Variants in TMEM132D observed in about 807,000 individuals in gnomAD.
TMEM132D encodes mature OL transmembrane protein.
A neutral mutation model predicts 62.3 loss-of-function variants in TMEM132D; 21 were observed. That is an observed-to-expected ratio of 0.34 (90% confidence interval 0.24 to 0.49). TMEM132D has a LOEUF of 0.49. Among genes scored for constraint, TMEM132D ranks in the 20% least tolerant of loss-of-function variants. The pLI is 0.99. For synonymous variants in TMEM132D, 621 were observed against 575.6 expected (o/e 1.08, Z -1.13); for missense variants, 1,346 against 1,402.8 (o/e 0.96, Z 0.65).
intron 1 of TMEM132D, among the ~76,000 whole-genome samples, chr12:129,886,619 G>A (rs1202307545): frequency 6.6e-6 from 1 of 152,058 alleles, no homozygotes; most frequent in Admixed American, 6.6e-5. Flanking sequence ...AAATAACTTG[G>A]TATTGCCATG....
intron 4 of TMEM132D, among the ~76,000 whole-genome samples, chr12:129,241,696 T>C (rs1241523256): frequency 2.0e-5 from 3 of 152,306 alleles, no homozygotes; most frequent in East Asian, 1.9e-4. Context: ...ATAGATAAAA[T>C]TTTATATTTA....
intron 5 of TMEM132D, among the ~76,000 whole-genome samples, chr12:129,130,972 G>A (rs903314104): frequency 3.3e-5 from 5 of 152,182 alleles, no homozygotes; most frequent in East Asian, 1.9e-4. Flanking sequence ...TGATTCAACC[G>A]GGCAGTGGTG....
chr12:129,821,931 G>T (rs1872550431), intron 1 of TMEM132D, among the ~76,000 whole-genome samples: 1 of 152,166 alleles, frequency 6.6e-6, no homozygotes, highest in African/African-American at 2.4e-5. Flanking sequence ...GGTTTCCTTT[G>T]TTGAAGAAAT....
intron 5 of TMEM132D, among the ~76,000 whole-genome samples, chr12:129,138,311 C>T (rs1447611134): frequency 6.6e-6 from 1 of 152,186 alleles, no homozygotes; most frequent in Non-Finnish European, 1.5e-5. Flanking sequence ...GAAGACCTAA[C>T]ACAATGTATG....
At chr12:129,121,711 G>A (rs1241328819) in intron 5 of TMEM132D, among the ~76,000 whole-genome samples, 1 of 152,098 alleles carries the variant, frequency 6.6e-6, no homozygotes, top group Non-Finnish European at 1.5e-5. Flanking sequence ...ACTACACCCC[G>A]GCCACCACAG....
intron 5 of TMEM132D, among the ~76,000 whole-genome samples, chr12:129,205,729 C>A (rs149196034): frequency 9.3e-4 from 142 of 152,162 alleles, no homozygotes; most frequent in Middle Eastern, 6.8e-3. Flanking sequence ...CTCATCACCA[C>A]GTGGAACATA....
chr12:129,199,053 AT>A (rs1353642867), intron 5 of TMEM132D, among the ~76,000 whole-genome samples: 2 of 151,586 alleles, frequency 1.3e-5, no homozygotes, highest in African/African-American at 2.4e-5. Context: ...TCCAATAAGT[AT>A]TAAAACATCA....
At chr12:129,230,682 T>C (rs1207794425) in intron 4 of TMEM132D, among the ~76,000 whole-genome samples, 1 of 152,202 alleles carries the variant, frequency 6.6e-6, no homozygotes, top group African/African-American at 2.4e-5. Context: ...AGATCTCCCA[T>C]CTGAGAGCTC....
intron 2 of TMEM132D, among the ~76,000 whole-genome samples, chr12:129,679,249 A>AT (rs1282110607): frequency 2.0e-5 from 3 of 151,828 alleles, no homozygotes; most frequent in Non-Finnish European, 2.9e-5. Flanking sequence ...CATTTCTTTA[A>AT]TTTTTTGTGA....
At chr12:129,426,550 G>A (rs544286431) in intron 3 of TMEM132D, among the ~76,000 whole-genome samples, 1 of 152,220 alleles carries the variant, frequency 6.6e-6, no homozygotes, top group South Asian at 2.1e-4. Context: ...ACTATCTCAG[G>A]AATCTCCATC....
At chr12:129,610,009 C>T (rs1448305827) in intron 2 of TMEM132D, among the ~76,000 whole-genome samples, 1 of 152,214 alleles carries the variant, frequency 6.6e-6, no homozygotes, top group Non-Finnish European at 1.5e-5. Flanking sequence ...GTGGCTCACA[C>T]TTGTAATCCC....
chr12:129,174,937 T>C (rs1208531512), intron 5 of TMEM132D, among the ~76,000 whole-genome samples: 1 of 152,220 alleles, frequency 6.6e-6, no homozygotes, highest in African/African-American at 2.4e-5. Context: ...TTTTTTCTTC[T>C]AAATTTGTTT....
intron 2 of TMEM132D, among the ~76,000 whole-genome samples, chr12:129,691,810 C>T (rs1291219513): frequency 4.0e-5 from 6 of 151,862 alleles, no homozygotes; most frequent in Non-Finnish European, 7.4e-5. Context: ...AAAAATAATA[C>T]TAAATACAGC....
chr12:129,125,936 G>A (rs1232096753), intron 5 of TMEM132D, among the ~76,000 whole-genome samples: 1 of 152,102 alleles, frequency 6.6e-6, no homozygotes, highest in Non-Finnish European at 1.5e-5. Context: ...GAGTAAACAG[G>A]GTGTTCCTTT....
At chr12:129,796,246 T>G (rs1871557439) in intron 1 of TMEM132D, among the ~76,000 whole-genome samples, 1 of 152,120 alleles carries the variant, frequency 6.6e-6, no homozygotes, top group South Asian at 2.1e-4. Context: ...GGGCTAAATC[T>G]TTTTTGGGGG....
chr12:129,769,536 C>CA (rs1399249271), intron 1 of TMEM132D, among the ~76,000 whole-genome samples: 3 of 152,182 alleles, frequency 2.0e-5, no homozygotes, highest in African/African-American at 7.2e-5. Context: ...CAAACCGTAT[C>CA]AGTCCCTGAC....
chr12:129,791,198 G>A (rs1871392616), intron 1 of TMEM132D, among the ~76,000 whole-genome samples: 1 of 152,172 alleles, frequency 6.6e-6, no homozygotes, highest in South Asian at 2.1e-4. Flanking sequence ...ACAAGAGGAG[G>A]AAATCAGCAG....
At chr12:129,405,511 C>T (rs1344432047) in intron 3 of TMEM132D, among the ~76,000 whole-genome samples, 4 of 152,158 alleles carry the variant, frequency 2.6e-5, no homozygotes, top group Non-Finnish European at 4.4e-5. Context: ...GGCAAGCAGG[C>T]TGTGGGTCCC....
At chr12:129,308,845 C>T (rs996521257) in intron 4 of TMEM132D, among the ~76,000 whole-genome samples, 3 of 152,146 alleles carry the variant, frequency 2.0e-5, no homozygotes, top group African/African-American at 7.2e-5. Context: ...ATGTCTTTAT[C>T]TGCCTGGAAG....
Sources: allele counts gnomAD v4.1 joint callset (sites outside exome capture counted in the v4.1 genomes callset), GRCh38; gene constraint gnomAD v4.1.1; transcripts MANE v1.5; gene names NCBI Gene and HGNC (gene_info 2026-07-23, HGNC 2026-07-21).